LRP8: variants seen among roughly 807,000 people sequenced by gnomAD.
LRP8 encodes the protein LDL receptor related protein 8.
LRP8 carries 46 observed loss-of-function variants against 111.6 expected under a neutral mutation model. That is an observed-to-expected ratio of 0.41 (90% CI 0.33 to 0.53). The LOEUF (loss-of-function observed/expected upper bound fraction) is 0.53. LRP8 is among the 20% of genes least tolerant of loss of function. LRP8 has a pLI of 0.20. For synonymous variants in LRP8, 464 were observed against 511.2 expected (o/e 0.91, Z 1.24); for missense variants, 959 against 1,297.4 (o/e 0.74, Z 4.01).
chr1:53,323,007 G>A (rs556618734), intron 2 of LRP8, among the ~76,000 whole-genome samples: 8 of 152,264 alleles, frequency 5.3e-5, no homozygotes, highest in Non-Finnish European at 1.0e-4. Flanking sequence ...GAACAAAGTC[G>A]AGGTCAGTGA....
chr1:53,314,165 A>C (rs539235375), intron 2 of LRP8, among the ~76,000 whole-genome samples: 1 of 152,312 alleles, frequency 6.6e-6, no homozygotes, highest in South Asian at 2.1e-4. Flanking sequence ...ACAGCCCCCC[A>C]GTGCTATGTG....
At chr1:53,258,011 G>A (rs1443303356) in intron 14 of LRP8, 1 of 240,970 alleles carries the variant, frequency 4.1e-6, no homozygotes, top group African/African-American at 2.3e-5. Flanking sequence ...GCATGTACCT[G>A]AAGCCACGGC....
intron 2 of LRP8, among the ~76,000 whole-genome samples, chr1:53,309,293 G>T (rs138136609): frequency 5.9e-5 from 9 of 152,274 alleles, no homozygotes; most frequent in Admixed American, 4.6e-4. Context: ...AAGAATTCAT[G>T]AAGTCATGCA....
intron 16 of LRP8, among the ~76,000 whole-genome samples, chr1:53,253,165 G>A (rs56355206): frequency 6.6e-6 from 1 of 152,030 alleles, no homozygotes; most frequent in Non-Finnish European, 1.5e-5. Flanking sequence ...AAGTAGAAAA[G>A]AAAAACATCA....
chr1:53,314,248 AC>A (rs1180351489), intron 2 of LRP8, among the ~76,000 whole-genome samples: 1 of 151,912 alleles, frequency 6.6e-6, no homozygotes, highest in East Asian at 1.9e-4. Context: ...CCATAACGAT[AC>A]CTTTGCCTCC....
rs1359597802 is a variant in LRP8, at chr1:53,249,820, A to G, written c.2677-264T>C. On this transcript the variant is annotated intron_variant, in intron 17 of 18. Transcript: ENST00000306052. This position sits in a 1 kb window ranked among gnomAD's most constrained non-coding sequence, Gnocchi z 4.1. The stretch of plus-strand genomic sequence containing the variant: ...TGAGGCATTCCTTGCCTGATTCCCC[A>G]GACAGAATTAATAGCTCCCTTGTTG... 1.3e-5 allele frequency among the ~76,000 whole-genome samples: 2 copies of G among 152,222 alleles called. No individual in the cohort carries two copies. Among genetic ancestry groups the G allele is most frequent in the African/African-American group, 4.8e-5 (2 of 41,454 alleles).
Position 53,249,800 on chromosome 1 carries a change from C to T in LRP8, c.2677-244G>A, listed in dbSNP as rs1011158128. Among the ~76,000 whole-genome samples the T allele has an allele frequency of 9.9e-5, 15 of 152,254 alleles. No homozygotes were observed. The highest frequency in any genetic ancestry group is 3.4e-4 in the African/African-American group (14 of 41,468). ...TCCATCTGTCACCTTCTCTGTGAGGCATTCCTTGCCTGATTCCCCAGACAG... is the reference window on the plus strand; with the variant it reads ...TCCATCTGTCACCTTCTCTGTGAGGTATTCCTTGCCTGATTCCCCAGACAG... On this transcript the variant is annotated intron_variant, in intron 17 of 18. Transcript: ENST00000306052. The surrounding 1 kb of genome is among the most constrained non-coding windows in gnomAD (Gnocchi z 4.1).
Position 53,257,266 on chromosome 1 carries a change from G to A in LRP8, c.2408C>T (p.Pro803Leu). 1.2e-6 allele frequency: 2 copies of A among 1,614,158 alleles called. No individual in the cohort carries two copies. Among genetic ancestry groups the A allele is most frequent in the African/African-American group, 1.3e-5 (1 of 75,028 alleles). Residue 803 changes from proline to leucine, a missense_variant, in exon 15 of 19, where the codon CCT becomes CTT. Pro to Leu is a moderately conservative substitution (Grantham distance 98, BLOSUM62 -3). Coordinates refer to ENST00000306052, the MANE Select transcript of LRP8 (RefSeq NM_004631.5). ...APSISPSTLS[P>L]ATSNHSQHYA... ...GTGCTGGGAGTGGTTGCTGGTTGCA[G>A]GGCTTAGGGTAGACGGGCTGATGCT...
chr1:53,280,817 A>ATGGACTCCTAGGGCCTT, intron 3 of LRP8, 102 bp from the exon 4 acceptor site: 1 of 1,447,206 alleles, frequency 6.9e-7, no homozygotes, highest in Non-Finnish European at 9.4e-7. Flanking sequence ...CCAAGGCCCT[A>ATGGACTCCTAGGGCCTT]GGAGTCCATC....
At position 53,242,365 on chromosome 1, in the gene LRP8, T is replaced by G. The variant is rs1004739795; in HGVS notation, c.*4653A>C. On this transcript the variant is annotated 3_prime_UTR_variant, in exon 19 of 19. Transcript: ENST00000306052. The stretch of plus-strand genomic sequence containing the variant: ...TACAATGAAACAAAACTTAAAAGAT[T>G]TTTTTTAAATGAATTTAATCTCTCT... 1.3e-5 allele frequency: 2 copies of G among 152,094 alleles called. No individual in the cohort carries two copies. The highest frequency in any genetic ancestry group is 4.8e-5 in the African/African-American group (2 of 41,400). 9.4% of individuals were successfully genotyped at this position (152,094 alleles called of 1,614,324 possible). A position where few individuals can be genotyped will look rare whatever the true frequency, so the allele number is the denominator to read the frequency against.
intron 2 of LRP8, among the ~76,000 whole-genome samples, chr1:53,324,639 C>T (rs545950621): frequency 4.4e-4 from 67 of 152,370 alleles, no homozygotes; most frequent in South Asian, 8.3e-4. Context: ...TATGACTCTA[C>T]CCCATGCATC....
At chr1:53,316,537 C>T (rs1653830350) in intron 2 of LRP8, among the ~76,000 whole-genome samples, 1 of 152,206 alleles carries the variant, frequency 6.6e-6, no homozygotes, top group Non-Finnish European at 1.5e-5. Flanking sequence ...ACAGCCCCTG[C>T]CCCCATGCTT....
chr1:53,314,539 G>A (rs974009916), intron 2 of LRP8, among the ~76,000 whole-genome samples: 14 of 152,220 alleles, frequency 9.2e-5, no homozygotes, highest in African/African-American at 3.1e-4. Flanking sequence ...GGCAGACTCT[G>A]TAAGCAGAGG....
chr1:53,271,210 G>A lies in LRP8; in HGVS notation c.1126+17C>T. 4 of 1,613,974 alleles carry A rather than the reference G, an allele frequency of 2.5e-6. No individual in the cohort carries two copies. The highest frequency in any genetic ancestry group is 1.6e-4 in the Middle Eastern group (1 of 6,062). Reference sequence around the variant, plus strand: ...GGAGGATCTGCTTCTGCTTGGGGGTGTGGGAGAAGGTCTCACCGCCACAGG... The same window carrying A: ...GGAGGATCTGCTTCTGCTTGGGGGTATGGGAGAAGGTCTCACCGCCACAGG... On this transcript the variant is annotated intron_variant, in intron 7 of 18. Transcript: ENST00000306052.
At chr1:53,260,634 G>C (rs775684180) in intron 12 of LRP8, 29 bp from the exon 13 acceptor site, 4 of 1,609,244 alleles carry the variant, frequency 2.5e-6, no homozygotes, top group South Asian at 2.2e-5. Flanking sequence ...GAGGATGGGA[G>C]GCCTGGAGTG....
At position 53,280,727 on chromosome 1, in the gene LRP8, G is replaced by C; in HGVS notation, c.368-12C>G. On this transcript the variant is annotated splice_polypyrimidine_tract_variant and intron_variant, in intron 3 of 18. Coordinates refer to ENST00000306052, the MANE Select transcript of LRP8 (RefSeq NM_004631.5). ...ACACACCTGCTTGGCTGTGGAGACA[G>C]ACGTCCATGCATAGCTTAGCCAAGG... The C allele has an allele frequency of 6.2e-7, 1 of 1,610,162 alleles. No individual in the cohort carries two copies. Among genetic ancestry groups the C allele is most frequent in the South Asian group, 1.1e-5 (1 of 91,060 alleles).
Position 53,322,435 on chromosome 1 carries a change from C to T in LRP8, c.244+4438G>A, listed in dbSNP as rs74083934. Among the ~76,000 whole-genome samples the T allele has an allele frequency of 6.4e-3, 971 of 152,102 alleles. 6 individuals are homozygous for T. Among genetic ancestry groups the T allele is most frequent in the African/African-American group, 0.023 (944 of 41,476 alleles). ...CCAGCCAGTGAGGGAGCAGGGTGTC[C>T]GGCAGGAGGAATAGCACACACAAAG... On this transcript the variant is annotated intron_variant, in intron 2 of 18. Transcript: ENST00000306052.
chr1:53,326,782 G>C, intron 2 of LRP8, 91 bp downstream of exon 2: 1 of 1,502,500 alleles, frequency 6.7e-7, no homozygotes, highest in East Asian at 2.5e-5. Context: ...AGGTGGCAGC[G>C]CGGCGGCTGC....
At chr1:53,270,888 C>T (rs543567679) in intron 8 of LRP8, 140 bp downstream of exon 8, 36 of 1,227,954 alleles carry the variant, frequency 2.9e-5, no homozygotes, top group Non-Finnish European at 3.9e-5. Context: ...GACAAGGGAC[C>T]GAGGATTCCC....
Sources: gnomAD v4.1 joint callset for allele counts (sites outside exome capture counted in the v4.1 genomes callset) on GRCh38, gnomAD v4.1.1 for gene constraint, Gnocchi (gnomAD v3.1) non-coding constraint, MANE v1.5 for transcripts, NCBI Gene and HGNC (gene_info 2026-07-23, HGNC 2026-07-21) for gene names.